Variants in BSPH1 observed in about 807,000 individuals in gnomAD.
The protein encoded by BSPH1 is binder of sperm protein homolog 1, also known as binder of sperm 1.
In BSPH1, 21 loss-of-function variants were observed where a neutral mutation model predicts 22.5. That is an observed-to-expected ratio of 0.93 (90% CI 0.66 to 1.35). The LOEUF (loss-of-function observed/expected upper bound fraction) is 1.35. Ranked by LOEUF, BSPH1 falls within the 40% of genes most tolerant of loss-of-function variation. BSPH1 has a pLI of 0.00. For synonymous variants in BSPH1, 42 were observed against 53.6 expected (o/e 0.78, Z 0.95); for missense variants, 141 against 154.2 (o/e 0.91, Z 0.45).
chr19:47,970,892 C>A (rs1969305663), intron 5 of BSPH1, among the ~76,000 whole-genome samples: 1 of 152,162 alleles, frequency 6.6e-6, no homozygotes, highest in African/African-American at 2.4e-5. Flanking sequence ...GAAAAATCTG[C>A]ATCTCAGAGC....
At chr19:47,969,960 CTT>C (rs539840205) in intron 5 of BSPH1, among the ~76,000 whole-genome samples, 1 of 130,060 alleles carries the variant, frequency 7.7e-6, no homozygotes, top group African/African-American at 2.8e-5. Flanking sequence ...CTGAGAGAGA[CTT>C]TTAGAATTTA....
intron 2 of BSPH1, 58 bp downstream of exon 2, chr19:47,980,863 A>G: frequency 9.8e-7 from 1 of 1,025,398 alleles, no homozygotes; most frequent in Non-Finnish European, 1.4e-6. Flanking sequence ...CAATGGTTTC[A>G]CATTTTATTG....
At chr19:47,988,590 C>A (rs1969493262) in intron 1 of BSPH1, among the ~76,000 whole-genome samples, 1 of 151,930 alleles carries the variant, frequency 6.6e-6, no homozygotes, top group African/African-American at 2.4e-5. Context: ...TCCTCCTCAT[C>A]CTCTTTAAAT....
chr19:47,992,033 C>G lies in BSPH1; in HGVS notation c.49G>C (p.Ala17Pro). The G allele has an allele frequency of 6.4e-7, 1 of 1,550,564 alleles. No individual in the cohort carries two copies. Among genetic ancestry groups the G allele is most frequent in the South Asian group, 1.2e-5 (1 of 84,028 alleles). ...LFVETTRNSS[A>P]CIFPVILNEL... ...CTTAAAATAACAGGGAAGATGCAAG[C>G]TGAGGAATTTCGCGTCGTTTCCACG... Residue 17 changes from alanine (A) to proline (P), a missense_variant, in exon 1 of 6, where the codon GCT becomes CCT. Coordinates refer to ENST00000344839, the MANE Select transcript of BSPH1 (RefSeq NM_001128326.2).
chr19:47,988,347 C>G (rs753382689), intron 1 of BSPH1, among the ~76,000 whole-genome samples: 80 of 152,204 alleles, frequency 5.3e-4, no homozygotes, highest in African/African-American at 1.8e-3. Context: ...TTCCAGCAAC[C>G]CTGGGAGTCA....
In BSPH1 at chr19:47,986,743, T is replaced by TAA. The variant is rs3083228; in HGVS notation, c.73+5264_73+5265dup. ...CTGGGTGACAGAATGAGACCCTATCTAAAAATAAAATAAAATAAAATAAAA... is the reference window on the plus strand; with the variant it reads ...CTGGGTGACAGAATGAGACCCTATCTAAAAAAATAAAATAAAATAAAATAAAA... On this transcript the variant is annotated intron_variant, in intron 1 of 5. Coordinates refer to ENST00000344839, the MANE Select transcript of BSPH1 (RefSeq NM_001128326.2). 4.7e-5 allele frequency among the ~76,000 whole-genome samples: 6 copies of TAA among 127,386 alleles called. No homozygotes were observed. The East Asian group carries it at 9.8e-4, about 21-fold the overall frequency. 83.6% of individuals were successfully genotyped at this position (127,386 alleles called of 152,430 possible). A position where few individuals can be genotyped will look rare whatever the true frequency, so the allele number is the denominator to read the frequency against.
intron 1 of BSPH1, 95 bp from the exon 2 acceptor site, chr19:47,981,036 A>G: frequency 1.5e-6 from 1 of 657,400 alleles, no homozygotes; most frequent in African/African-American, 1.9e-5. Flanking sequence ...GAATAATACT[A>G]TTTTGAAAGT....
intron 3 of BSPH1, among the ~76,000 whole-genome samples, chr19:47,978,702 C>T (rs1447028809): frequency 6.6e-6 from 1 of 152,238 alleles, no homozygotes; most frequent in Non-Finnish European, 1.5e-5. Context: ...GAAGCATTTA[C>T]ACACTTTAAA....
chr19:47,976,934 T>C lies in BSPH1; in HGVS notation c.257-80A>G. On this transcript the variant is annotated intron_variant, in intron 4 of 5. Coordinates refer to ENST00000344839, the MANE Select transcript of BSPH1 (RefSeq NM_001128326.2). ...ACCTCCACCACACCATGCACACACA[T>C]GCACACATATGCACACATGTGCATG... 3 of 1,246,208 alleles carry C rather than the reference T, an allele frequency of 2.4e-6. No homozygotes were observed. In the East Asian group the frequency reaches 7.6e-5, roughly 32 times the overall value. 77.2% of individuals were successfully genotyped at this position (1,246,208 alleles called of 1,614,324 possible). A position where few individuals can be genotyped will look rare whatever the true frequency, so the allele number is the denominator to read the frequency against.
intron 5 of BSPH1, among the ~76,000 whole-genome samples, chr19:47,974,993 ACT>A (rs1385717135): frequency 6.6e-6 from 1 of 151,960 alleles, no homozygotes; most frequent in South Asian, 2.1e-4. Context: ...ATTAAAAAAA[ACT>A]CTCTCACATA....
intron 5 of BSPH1, among the ~76,000 whole-genome samples, chr19:47,969,816 G>A (rs528083812): frequency 2.0e-5 from 3 of 151,834 alleles, no homozygotes; most frequent in Non-Finnish European, 2.9e-5. Flanking sequence ...TTATTTGTGT[G>A]TGTGTGAGAG....
At chr19:47,989,039 C>T (rs1969497691) in intron 1 of BSPH1, among the ~76,000 whole-genome samples, 1 of 151,866 alleles carries the variant, frequency 6.6e-6, no homozygotes, top group Admixed American at 6.6e-5. Flanking sequence ...ATATCACATG[C>T]TCATGAGTGG....
At chr19:47,984,163 AAT>A (rs1379417145) in intron 1 of BSPH1, among the ~76,000 whole-genome samples, 51 of 135,888 alleles carry the variant, frequency 3.8e-4, no homozygotes, top group Admixed American at 1.4e-3. Context: ...AAAAAAAAAA[AAT>A]ATATATATAT....
chr19:47,981,817 A>G, intron 1 of BSPH1: 4 of 794,250 alleles, frequency 5.0e-6, no homozygotes, highest in Admixed American at 6.2e-5. Flanking sequence ...TTGTTCCTTC[A>G]TGAGCCATTC....
chr19:47,991,911 A>G (rs989537837), intron 1 of BSPH1, 98 bp downstream of exon 1: 2 of 718,480 alleles, frequency 2.8e-6, no homozygotes, highest in African/African-American at 3.7e-5. Context: ...CTCTTCTTTC[A>G]TCTTTCATCC....
chr19:47,977,186 G>C (rs1466732550), intron 4 of BSPH1, among the ~76,000 whole-genome samples, 187 bp downstream of exon 4: 3 of 152,200 alleles, frequency 2.0e-5, no homozygotes, highest in Non-Finnish European at 4.4e-5. Flanking sequence ...AAATAATGTG[G>C]TTGAAATGCT....
rs10589898 is a variant in BSPH1, at chr19:47,969,684, G to GGAGAGAGAGAGAGAGAGAGAGA, written c.*3-1497_*3-1476dup. 1.4e-3 allele frequency among the ~76,000 whole-genome samples: 160 copies of GGAGAGAGAGAGAGAGAGAGAGA among 113,866 alleles called. 5 individuals carry two copies. Among genetic ancestry groups the GGAGAGAGAGAGAGAGAGAGAGA allele is most frequent in the East Asian group, 6.3e-3 (21 of 3,360 alleles). The allele number at this position is 113,866 out of a possible 152,430, so 74.7% of individuals were successfully genotyped here. ...CACTACCTGTAAGGCAGGGAGAGGG[G>GGAGAGAGAGAGAGAGAGAGAGA]GAGAGAGAGAGAGAGAGAGAGAGAG... On this transcript the variant is annotated intron_variant, in intron 5 of 5. Transcript: ENST00000344839.
At chr19:47,971,841 TTTA>T (rs1969313476) in intron 5 of BSPH1, among the ~76,000 whole-genome samples, 1 of 152,198 alleles carries the variant, frequency 6.6e-6, no homozygotes, top group Non-Finnish European at 1.5e-5. Flanking sequence ...CGCGTCTTGT[TTTA>T]TTGTGCAAGA....
In BSPH1 at chr19:47,971,404, C is replaced by A. The variant is rs148948485; in HGVS notation, c.*3-3195G>T. 3.0e-3 allele frequency among the ~76,000 whole-genome samples: 457 copies of A among 152,248 alleles called. 2 individuals carry two copies. Among genetic ancestry groups the A allele is most frequent in the African/African-American group, 0.01 (427 of 41,540 alleles). Reference sequence around the variant, plus strand: ...TATTTTTAGTAGAGATGGGGTTTCACCATGTTGGCCAGGCTGGTCTCGAAT... The same window carrying A: ...TATTTTTAGTAGAGATGGGGTTTCAACATGTTGGCCAGGCTGGTCTCGAAT... On this transcript the variant is annotated intron_variant, in intron 5 of 5. Transcript: ENST00000344839.
Sources: allele counts gnomAD v4.1 joint callset (sites outside exome capture counted in the v4.1 genomes callset), GRCh38; gene constraint gnomAD v4.1.1; transcripts MANE v1.5; gene names NCBI Gene and HGNC (gene_info 2026-07-23, HGNC 2026-07-21).